TCN2: variants seen among roughly 807,000 people sequenced by gnomAD.
TCN2 encodes the protein transcobalamin-2.
Under a neutral mutation model 48.6 loss-of-function variants are expected in TCN2, and 34 were observed. The observed-to-expected ratio is 0.70, with a 90% CI of 0.53 to 0.93. The LOEUF (loss-of-function observed/expected upper bound fraction) is 0.93, where lower values mean the gene tolerates loss of function less well. TCN2 is among the 40% of genes least tolerant of loss of function. The pLI is 0.00. For missense variants in TCN2, 652 were observed against 526.1 expected (o/e 1.24, Z -2.34); for synonymous variants, 283 against 212.5 (o/e 1.33, Z -2.89).
chr22:30,626,825 TG>T lies in TCN2; in HGVS notation c.*306del, dbSNP rs1438517281. 3.9e-6 allele frequency: 2 copies of T among 512,070 alleles called. No homozygotes were observed. The highest frequency in any genetic ancestry group is 7.1e-6 in the Non-Finnish European group (2 of 281,754). 31.7% of individuals were successfully genotyped at this position (512,070 alleles called of 1,614,324 possible). On this transcript the variant is annotated 3_prime_UTR_variant, in exon 9 of 9. Coordinates refer to ENST00000215838, the MANE Select transcript of TCN2 (RefSeq NM_000355.4). ...TGGGCATGAAGCATCTCAGACTCCT[TG>T]GCAAAAAACGGAGTCCGCAGGCCGC...
At chr22:30,612,773 T>G in intron 2 of TCN2, 100 bp from the exon 3 acceptor site, 1 of 1,491,540 alleles carries the variant, frequency 6.7e-7, no homozygotes, top group Non-Finnish European at 9.2e-7. Flanking sequence ...TTCCCACTGT[T>G]AAGATTTTTT....
chr22:30,614,652 G>A, intron 4 of TCN2, 151 bp downstream of exon 4: 3 of 1,189,262 alleles, frequency 2.5e-6, no homozygotes, highest in Non-Finnish European at 3.6e-6. Context: ...GAGGGCTCAT[G>A]GGTGATGCTT....
chr22:30,612,079 A>AT (rs1277073334), intron 2 of TCN2, among the ~76,000 whole-genome samples: 1 of 151,992 alleles, frequency 6.6e-6, no homozygotes, highest in East Asian at 1.9e-4. Flanking sequence ...TCTTAAAAAA[A>AT]AGAAAAAGAA....
In TCN2 at chr22:30,613,006, C is replaced by T. The variant is rs747887520; in HGVS notation, c.391C>T (p.Leu131Phe). ...CAAGGGGGACAGGCTGGTCTCACAG[C>T]TCAAATGGTTCCTGGAGGATGAGAA... ...GHKGDRLVSQ[L>F]KWFLEDEKRA... The change falls in exon 3 of 9, where the codon CTC becomes TTC. Residue 131 changes from leucine to phenylalanine, a missense_variant. By Grantham distance (22) the Leu-to-Phe change is conservative. Coordinates refer to ENST00000215838, the MANE Select transcript of TCN2 (RefSeq NM_000355.4). 43 of 1,614,128 alleles carry T rather than the reference C, an allele frequency of 2.7e-5. No individual in the cohort carries two copies. In the South Asian group the frequency reaches 4.7e-4, roughly 18 times the overall value.
At chr22:30,617,583 G>C (rs945215881) in intron 7 of TCN2, 88 bp downstream of exon 7, 5 of 1,556,126 alleles carry the variant, frequency 3.2e-6, no homozygotes, top group Non-Finnish European at 4.4e-6. Context: ...CAGAGGAGAG[G>C]GTTCCCTCGG....
chr22:30,610,156 G>A (rs2087514486), intron 1 of TCN2: 1 of 467,602 alleles, frequency 2.1e-6, no homozygotes, highest in Non-Finnish European at 4.4e-6. Context: ...AAATCCCACA[G>A]CAACAGGTAA....
chr22:30,616,305 G>A (rs538902280), intron 6 of TCN2, among the ~76,000 whole-genome samples: 2 of 152,096 alleles, frequency 1.3e-5, no homozygotes, highest in Admixed American at 6.6e-5. Flanking sequence ...CTAACATGGC[G>A]AAACTCCATC....
At position 30,626,747 on chromosome 22, in the gene TCN2, G is replaced by C. The variant is rs1451092758; in HGVS notation, c.*226G>C. 5 of 613,122 alleles carry C rather than the reference G, an allele frequency of 8.2e-6. No homozygotes were observed. In the African/African-American group the frequency reaches 9.2e-5, roughly 11 times the overall value. The allele number at this position is 613,122 out of a possible 1,614,324, so 38.0% of individuals were successfully genotyped here. ...TTCCCTGGGAAGTCTTTCTGGCCAAGTCTGGCCAGCCTGGCCCTGCAGGTC... is the reference window on the plus strand; with the variant it reads ...TTCCCTGGGAAGTCTTTCTGGCCAACTCTGGCCAGCCTGGCCCTGCAGGTC... On this transcript the variant is annotated 3_prime_UTR_variant, in exon 9 of 9. Transcript: ENST00000215838.
At chr22:30,615,241 C>G (rs1433065187) in intron 4 of TCN2, 60 bp from the exon 5 acceptor site, 2 of 1,595,784 alleles carry the variant, frequency 1.3e-6, no homozygotes, top group African/African-American at 2.7e-5. Flanking sequence ...CCTCAAGCCC[C>G]TGCCTGTCCT....
chr22:30,616,282 G>A (rs927549752), intron 6 of TCN2, among the ~76,000 whole-genome samples: 7 of 152,028 alleles, frequency 4.6e-5, no homozygotes, highest in Non-Finnish European at 5.9e-5. Flanking sequence ...TCAGGAGTTC[G>A]AGACCAGCCT....
chr22:30,617,914 C>T (rs1175805506), intron 7 of TCN2, among the ~76,000 whole-genome samples: 3 of 152,170 alleles, frequency 2.0e-5, no homozygotes, highest in Non-Finnish European at 4.4e-5. Context: ...TTGCTTTCAT[C>T]AGAGTAAGAA....
At chr22:30,617,541 C>A (rs1412889327) in intron 7 of TCN2, 46 bp downstream of exon 7, 1 of 1,612,364 alleles carries the variant, frequency 6.2e-7, no homozygotes, top group Non-Finnish European at 8.5e-7. Context: ...ACCTCACATG[C>A]CTGATAACAG....
Position 30,610,541 on chromosome 22 carries a change from C to A in TCN2, c.65-330C>A, listed in dbSNP as rs139015451. On this transcript the variant is annotated intron_variant, in intron 1 of 8. Transcript: ENST00000215838. ...TACATCACAGGACTGGCATGAGGAC[C>A]AAGTGAGATTGGGCAAGGTGCCCGG... Among the ~76,000 whole-genome samples the A allele has an allele frequency of 1.5e-4, 23 of 152,342 alleles. 2 individuals carry two copies. The East Asian group carries it at 4.4e-3, about 29-fold the overall frequency.
chr22:30,619,370 G>A (rs1234043858), intron 7 of TCN2, among the ~76,000 whole-genome samples: 2 of 152,230 alleles, frequency 1.3e-5, no homozygotes, highest in Non-Finnish European at 1.5e-5. Flanking sequence ...GTGAGCCGCC[G>A]TGGCTGGCCA....
chr22:30,626,204 C>G (rs774485065), intron 8 of TCN2, among the ~76,000 whole-genome samples: 1 of 152,086 alleles, frequency 6.6e-6, no homozygotes. Flanking sequence ...TCCTGATGGT[C>G]CCTAGGGTAT....
chr22:30,613,172 A>T, intron 3 of TCN2, 130 bp downstream of exon 3: 1 of 1,315,250 alleles, frequency 7.6e-7, no homozygotes, highest in Non-Finnish European at 1.1e-6. Flanking sequence ...TGCCCATCTC[A>T]CTGCCTACGT....
intron 2 of TCN2, 96 bp from the exon 3 acceptor site, chr22:30,612,777 A>G: frequency 6.5e-7 from 1 of 1,529,436 alleles, no homozygotes; most frequent in South Asian, 1.2e-5. Context: ...CACTGTTAAG[A>G]TTTTTTCCCG....
At chr22:30,613,952 C>A (rs148701289) in intron 3 of TCN2, among the ~76,000 whole-genome samples, 1 of 152,274 alleles carries the variant, frequency 6.6e-6, no homozygotes, top group Non-Finnish European at 1.5e-5. Context: ...GGCTTCCCTG[C>A]GTGCAGTTCA....
At chr22:30,619,499 G>C (rs565130161) in intron 7 of TCN2, among the ~76,000 whole-genome samples, 2 of 152,360 alleles carry the variant, frequency 1.3e-5, no homozygotes, top group South Asian at 2.1e-4. Flanking sequence ...GTTTGAGAAT[G>C]AGCATGTCTG....
Sources: gnomAD v4.1 joint callset for allele counts (sites outside exome capture counted in the v4.1 genomes callset) on GRCh38, gnomAD v4.1.1 for gene constraint, MANE v1.5 for transcripts, NCBI Gene and HGNC (gene_info 2026-07-23, HGNC 2026-07-21) for gene names.